RCAN2: variants seen among roughly 807,000 people sequenced by gnomAD.
RCAN2 encodes calcipressin-2.
In RCAN2, 9 loss-of-function variants were observed where a neutral mutation model predicts 23.6. The ratio of observed to expected loss-of-function variants is 0.38; its 90% confidence interval spans 0.23 to 0.67. The LOEUF is 0.67. Among genes scored for constraint, RCAN2 ranks in the 30% least tolerant of loss-of-function variants. The pLI is 0.51. For synonymous variants in RCAN2, 109 were observed against 115.7 expected, an observed-to-expected ratio of 0.94 and a Z score of 0.37; for missense variants, 273 against 302.3, an observed-to-expected ratio of 0.90 and a Z score of 0.72.
rs139974801 is a variant in RCAN2, at chr6:46,471,891, GCACACA to G, written c.-2-14919_-2-14914del. Reference sequence around the variant, plus strand: ...CAACAGTCAACAACCAGGTGCGTGCGCACACACACACACACTCACACAGTCCCCCTT... The same window carrying G: ...CAACAGTCAACAACCAGGTGCGTGCGCACACACACTCACACAGTCCCCCTT... On this transcript the variant is annotated intron_variant, in intron 1 of 4. Coordinates refer to ENST00000371374, the MANE Select transcript of RCAN2 (RefSeq NM_001251974.2). Among the ~76,000 whole-genome samples the G allele has an allele frequency of 2.3e-4, 35 of 151,586 alleles. No homozygotes were observed. In the South Asian group the frequency reaches 3.1e-3, roughly 14 times the overall value.
chr6:46,400,367 G>A (rs1374648936), intron 2 of RCAN2, among the ~76,000 whole-genome samples: 1 of 152,128 alleles, frequency 6.6e-6, no homozygotes, highest in East Asian at 1.9e-4. Context: ...GAACTAAACT[G>A]TTCTTAGAAG....
chr6:46,246,733 G>A lies in RCAN2; in HGVS notation c.571+15C>T. The A allele has an allele frequency of 1.9e-6, 3 of 1,607,048 alleles. No homozygotes were observed. In the South Asian group the frequency reaches 3.3e-5, roughly 18 times the overall value. On this transcript the variant is annotated intron_variant, in intron 4 of 4. Coordinates refer to ENST00000371374, the MANE Select transcript of RCAN2 (RefSeq NM_001251974.2). The stretch of plus-strand genomic sequence containing the variant: ...CTGACAAACGTTTATTTTTAAAATG[G>A]ACCGCAAAGCTTACCTGGTCCTAGT...
intron 2 of RCAN2, among the ~76,000 whole-genome samples, chr6:46,363,746 T>C (rs145587291): frequency 1.3e-5 from 2 of 152,140 alleles, no homozygotes; most frequent in African/African-American, 2.4e-5. Flanking sequence ...GAGGTATAAC[T>C]ATAAAGTATG....
intron 2 of RCAN2, among the ~76,000 whole-genome samples, chr6:46,312,004 T>C (rs1264158421): frequency 6.6e-6 from 1 of 152,176 alleles, no homozygotes; most frequent in Non-Finnish European, 1.5e-5. Flanking sequence ...GGAAGTGATA[T>C]GTGTAACTTC....
At chr6:46,412,134 T>C (rs1050555331) in intron 2 of RCAN2, among the ~76,000 whole-genome samples, 4 of 152,046 alleles carry the variant, frequency 2.6e-5, no homozygotes, top group African/African-American at 9.7e-5. Flanking sequence ...TGATCCAGGA[T>C]TTATGAGGTA....
intron 4 of RCAN2, among the ~76,000 whole-genome samples, chr6:46,229,715 C>A (rs530293128): frequency 6.6e-6 from 1 of 152,186 alleles, no homozygotes; most frequent in African/African-American, 2.4e-5. Flanking sequence ...TGGGTTCGAA[C>A]TTCCTCCTTT....
At chr6:46,419,192 C>T (rs972461882) in intron 2 of RCAN2, among the ~76,000 whole-genome samples, 6 of 152,082 alleles carry the variant, frequency 3.9e-5, no homozygotes, top group African/African-American at 1.2e-4. Context: ...CCAGCCACAG[C>T]GGGAGCATTT....
chr6:46,413,737 G>A (rs1336389469), intron 2 of RCAN2, among the ~76,000 whole-genome samples: 8 of 152,184 alleles, frequency 5.3e-5, no homozygotes, highest in Admixed American at 5.2e-4. Flanking sequence ...TGGAAATGAA[G>A]TCTCTTTATG....
intron 1 of RCAN2, among the ~76,000 whole-genome samples, chr6:46,473,843 T>C (rs983062346): frequency 3.9e-5 from 6 of 152,166 alleles, no homozygotes; most frequent in African/African-American, 1.4e-4. Flanking sequence ...AGGAAAGGAA[T>C]GAGGGTACAT....
intron 1 of RCAN2, among the ~76,000 whole-genome samples, chr6:46,478,662 A>G (rs1768777720): frequency 6.6e-6 from 1 of 152,206 alleles, no homozygotes; most frequent in Non-Finnish European, 1.5e-5. Context: ...CGTCATAAGC[A>G]ACACCGAAGA....
chr6:46,275,989 C>T (rs1353041138), intron 2 of RCAN2, among the ~76,000 whole-genome samples: 12 of 152,194 alleles, frequency 7.9e-5, no homozygotes, highest in African/African-American at 1.9e-4. Context: ...GGGTGGATCA[C>T]GATGTCAGGA....
chr6:46,436,277 A>G (rs546396353), intron 2 of RCAN2, among the ~76,000 whole-genome samples: 6 of 152,346 alleles, frequency 3.9e-5, no homozygotes, highest in African/African-American at 1.4e-4. Context: ...CAGTGGCACA[A>G]TCTCGGCTCA....
chr6:46,271,461 C>T (rs1018467584), intron 2 of RCAN2, among the ~76,000 whole-genome samples: 2 of 152,320 alleles, frequency 1.3e-5, no homozygotes, highest in African/African-American at 2.4e-5. Context: ...AGCACCTTCA[C>T]GGAAACATCC....
At chr6:46,386,610 C>CAAAAAAAAA (rs142110760) in intron 2 of RCAN2, among the ~76,000 whole-genome samples, 1 of 91,704 alleles carries the variant, frequency 1.1e-5, no homozygotes, top group Non-Finnish European at 1.9e-5. Flanking sequence ...CTCTGTCTCA[C>CAAAAAAAAA]AAAAAAAAAA....
chr6:46,245,445 G>A (rs938374241), intron 4 of RCAN2, among the ~76,000 whole-genome samples: 1 of 152,164 alleles, frequency 6.6e-6, no homozygotes, highest in Non-Finnish European at 1.5e-5. Flanking sequence ...TTTTAGCAGT[G>A]AAGGTCCTAT....
intron 2 of RCAN2, among the ~76,000 whole-genome samples, chr6:46,268,740 G>A (rs1767426431): frequency 1.3e-5 from 2 of 152,150 alleles, no homozygotes; most frequent in South Asian, 2.1e-4. Flanking sequence ...TAGAAGACAA[G>A]TGAGATCCTG....
intron 1 of RCAN2, among the ~76,000 whole-genome samples, chr6:46,465,217 A>G (rs1235955241): frequency 1.3e-5 from 2 of 152,198 alleles, no homozygotes; most frequent in African/African-American, 4.8e-5. Flanking sequence ...TGTGAGGGTG[A>G]CAAAGTTGTT....
intron 2 of RCAN2, among the ~76,000 whole-genome samples, chr6:46,392,679 G>A (rs1241388844): frequency 6.6e-6 from 1 of 152,132 alleles, no homozygotes; most frequent in Non-Finnish European, 1.5e-5. Context: ...GTTGTGCCAT[G>A]AGTTAAAGAT....
chr6:46,235,840 C>T (rs1312033134), intron 4 of RCAN2, among the ~76,000 whole-genome samples: 1 of 152,224 alleles, frequency 6.6e-6, no homozygotes, highest in Non-Finnish European at 1.5e-5. Flanking sequence ...TTCCCCACGA[C>T]AGGAACTAAC....
Sources: allele counts gnomAD v4.1 joint callset (sites outside exome capture counted in the v4.1 genomes callset), GRCh38; gene constraint gnomAD v4.1.1; transcripts MANE v1.5; gene names NCBI Gene and HGNC (gene_info 2026-07-23, HGNC 2026-07-21).